Variants in CTC1 observed in about 807,000 individuals in gnomAD.
CTC1 encodes the protein CST telomere replication complex component 1.
Under a neutral mutation model 136.3 loss-of-function variants are expected in CTC1, and 91 were observed. The ratio of observed to expected loss-of-function variants is 0.67; its 90% CI spans 0.56 to 0.79. The LOEUF (loss-of-function observed/expected upper bound fraction) is 0.79, where lower values mean the gene tolerates loss of function less well. Ranked by LOEUF, CTC1 falls within the 30% of genes least tolerant of loss-of-function variation. CTC1 has a pLI of 0.00. For synonymous variants in CTC1, 606 were observed against 613.8 expected (o/e 0.99, Z 0.19); for missense variants, 1,432 against 1,498.1 (o/e 0.96, Z 0.73).
intron 22 of CTC1, 43 bp from the exon 23 acceptor site, chr17:8,228,362 G>A: frequency 1.9e-6 from 3 of 1,609,384 alleles, no homozygotes; most frequent in Non-Finnish European, 2.6e-6. Context: ...CAGGCATGTG[G>A]CTTTTAGTTC....
At chr17:8,232,872 AC>A (rs1385713814) in intron 11 of CTC1, 33 bp downstream of exon 11, 2 of 1,610,290 alleles carry the variant, frequency 1.2e-6, no homozygotes, top group African/African-American at 2.7e-5. Context: ...CCACCATCCC[AC>A]TACCATCTTC....
At position 8,228,087 on chromosome 17, in the gene CTC1, G is replaced by T; in HGVS notation, c.*93C>A. ...AGCAGTTTGTGAATCTGGAGTCCTTGGTTCAATCACAGAACAAGTAGGGAG... is the reference window on the plus strand; with the variant it reads ...AGCAGTTTGTGAATCTGGAGTCCTTTGTTCAATCACAGAACAAGTAGGGAG... On this transcript the variant is annotated 3_prime_UTR_variant, in exon 23 of 23. Coordinates refer to ENST00000651323, the MANE Select transcript of CTC1 (RefSeq NM_025099.6). 1.6e-6 allele frequency: 2 copies of T among 1,250,800 alleles called. No individual in the cohort carries two copies. Among genetic ancestry groups the T allele is most frequent in the Non-Finnish European group, 2.3e-6 (2 of 874,006 alleles). The allele number at this position is 1,250,800 out of a possible 1,614,324, so 77.5% of individuals were successfully genotyped here. A position where few individuals can be genotyped will look rare whatever the true frequency, so the allele number is the denominator to read the frequency against.
chr17:8,241,852 A>AAG (rs1375868275), intron 2 of CTC1, among the ~76,000 whole-genome samples: 1 of 149,926 alleles, frequency 6.7e-6, no homozygotes, highest in Non-Finnish European at 1.5e-5. Context: ...CCTGTCTCAA[A>AAG]AAAAAAAAAA....
intron 12 of CTC1, 39 bp from the exon 13 acceptor site, chr17:8,232,266 A>G: frequency 6.5e-7 from 1 of 1,544,244 alleles, no homozygotes; most frequent in Non-Finnish European, 8.7e-7. Context: ...TTAGTGATGC[A>G]GGCATTGGGT....
Position 8,229,920 on chromosome 17 carries a change from G to C in CTC1, c.2982C>G (p.Val994=). 1 of 1,614,126 alleles carries C rather than the reference G, an allele frequency of 6.2e-7. No homozygotes were observed. The highest frequency in any genetic ancestry group is 1.1e-5 in the South Asian group (1 of 91,074). The change falls in exon 18 of 23, where the codon GTC becomes GTG. Residue 994 remains valine (V), a synonymous_variant. Coordinates refer to ENST00000651323, the MANE Select transcript of CTC1 (RefSeq NM_025099.6). ...CCFRSSTYVQ[V]LSFPPETTIS... ...TGGTGGTCTCAGGGGGAAAACTCAG[G>C]ACCTGCACATAAGTGGATGACCGGA...
chr17:8,231,238 G>T, intron 15 of CTC1, 38 bp downstream of exon 15: 3 of 1,469,372 alleles, frequency 2.0e-6, no homozygotes, highest in Non-Finnish European at 2.7e-6. Flanking sequence ...AGAAGAGAGA[G>T]TGGCCAAATT....
In CTC1 at chr17:8,226,661, T is replaced by TA. The variant is rs1339105759; in HGVS notation, c.*1518_*1519insT. 8 of 152,202 alleles carry TA rather than the reference T, an allele frequency of 5.3e-5. No homozygotes were observed. Among genetic ancestry groups the TA allele is most frequent in the African/African-American group, 1.9e-4 (8 of 41,444 alleles). 9.4% of individuals were successfully genotyped at this position (152,202 alleles called of 1,614,324 possible). On this transcript the variant is annotated 3_prime_UTR_variant, in exon 23 of 23. Transcript: ENST00000651323. ...CGGGGAGACCCCAATGGATTTCTAG[T>TA]CCATCGCCTTAACCACTCGGCCACG...
At chr17:8,243,998 G>A (rs1442355405) in intron 1 of CTC1, among the ~76,000 whole-genome samples, 1 of 152,128 alleles carries the variant, frequency 6.6e-6, no homozygotes, top group Non-Finnish European at 1.5e-5. Context: ...AGCCTGGGGC[G>A]GTTGAAACTT....
intron 2 of CTC1, among the ~76,000 whole-genome samples, chr17:8,242,217 G>C (rs923747990): frequency 1.3e-5 from 2 of 151,734 alleles, no homozygotes; most frequent in Non-Finnish European, 2.9e-5. Context: ...TTTTTTAGTA[G>C]AGATGGTGTT....
chr17:8,245,433 T>C (rs1169079782), intron 1 of CTC1, among the ~76,000 whole-genome samples: 1 of 152,040 alleles, frequency 6.6e-6, no homozygotes, highest in Non-Finnish European at 1.5e-5. Flanking sequence ...AAATCACCAT[T>C]CAGAGTTGCC....
intron 22 of CTC1, 22 bp from the exon 23 acceptor site, chr17:8,228,341 A>C: frequency 6.2e-7 from 1 of 1,612,330 alleles, no homozygotes; most frequent in South Asian, 1.1e-5. Flanking sequence ...AGAGAGGAAA[A>C]ACACACGTCT....
chr17:8,240,974 A>G (rs370578708), intron 2 of CTC1, among the ~76,000 whole-genome samples: 15 of 152,166 alleles, frequency 9.9e-5, no homozygotes, highest in African/African-American at 3.6e-4. Context: ...TAACCAAGGT[A>G]AACACAGGCT....
rs931194879 is a variant in CTC1, at chr17:8,228,148, G to A, written c.*32C>T. The A allele has an allele frequency of 1.2e-6, 2 of 1,604,504 alleles. No individual in the cohort carries two copies. The highest frequency in any genetic ancestry group is 1.3e-5 in the African/African-American group (1 of 74,848). Reference sequence around the variant, plus strand: ...ACCTAGGCCTTCAGGTTTTCAGCAAGGAAGGACTCTCAGGCCATCCTTGCA... The same window carrying A: ...ACCTAGGCCTTCAGGTTTTCAGCAAAGAAGGACTCTCAGGCCATCCTTGCA... On this transcript the variant is annotated 3_prime_UTR_variant, in exon 23 of 23. Transcript: ENST00000651323.
At position 8,226,318 on chromosome 17, in the gene CTC1, A is replaced by C. The variant is rs1029174066; in HGVS notation, c.*1862T>G. The C allele has an allele frequency of 6.6e-6, 1 of 152,374 alleles. No homozygotes were observed. The highest frequency in any genetic ancestry group is 1.9e-4 in the East Asian group (1 of 5,196). The allele number at this position is 152,374 out of a possible 1,614,324, so 9.4% of individuals were successfully genotyped here. ...ACTAAGCCACGGCGCCGAAGCTGCC[A>C]TAAAGGTTCCTGAAATTCATCTACA... On this transcript the variant is annotated 3_prime_UTR_variant, in exon 23 of 23. Transcript: ENST00000651323.
rs952866043 is a variant in CTC1 at position 8,240,678 on chromosome 17, G to A, written c.198-2049C>T. Among the ~76,000 whole-genome samples, 13 of 144,536 alleles carry A rather than the reference G, an allele frequency of 9.0e-5. No homozygotes were observed. The East Asian group carries it at 9.3e-4, about 10-fold the overall frequency. 94.8% of individuals were successfully genotyped at this position (144,536 alleles called of 152,430 possible). ...GAGGATCACCTGAGGTCAGGAGTTT[G>A]AGACCAGCCTGGCCAACATGGTGAA... On this transcript the variant is annotated intron_variant, in intron 2 of 22. Coordinates refer to ENST00000651323, the MANE Select transcript of CTC1 (RefSeq NM_025099.6).
At chr17:8,231,699 A>T in intron 14 of CTC1, 27 bp downstream of exon 14, 1 of 1,604,438 alleles carries the variant, frequency 6.2e-7, no homozygotes, top group Non-Finnish European at 8.5e-7. Flanking sequence ...CTTTCTGGGG[A>T]AAGGTATGAT....
In CTC1 at chr17:8,242,553, AATATAT is replaced by A. The variant is rs1242237744; in HGVS notation, c.197+426_197+431del. Among the ~76,000 whole-genome samples the A allele has an allele frequency of 6.4e-3, 383 of 59,996 alleles. 3 individuals are homozygous for A. Among genetic ancestry groups the A allele is most frequent in the South Asian group, 0.013 (22 of 1,646 alleles). 39.4% of individuals were successfully genotyped at this position (59,996 alleles called of 152,430 possible). On this transcript the variant is annotated intron_variant, in intron 2 of 22. Coordinates refer to ENST00000651323, the MANE Select transcript of CTC1 (RefSeq NM_025099.6). ...AGAGAGAAAAAAAAAAAAAAAAAAA[AATATAT>A]ATATATATATATATATATATACACA...
In CTC1 at chr17:8,232,996, CT is replaced by C; in HGVS notation, c.1854del (p.Gly619ValfsTer29). ...LLGVLVASSHKGCLQLRDQSG... is the reference protein window; with the variant it reads ...LLGVLVASSHXGCLQLRDQSG... The stretch of plus-strand genomic sequence containing the variant: ...CTTTGGTCCCGAAGTTGCAGACAAC[CT>C]TTATGAGATGAAGCCACCAGAACCC... On this transcript the variant is annotated frameshift_variant, in exon 11 of 23. Coordinates refer to ENST00000651323, the MANE Select transcript of CTC1 (RefSeq NM_025099.6). LOFTEE classifies it high-confidence loss of function. The C allele has an allele frequency of 6.2e-7, 1 of 1,614,106 alleles. No individual in the cohort carries two copies. The highest frequency in any genetic ancestry group is 8.5e-7 in the Non-Finnish European group (1 of 1,180,014).
chr17:8,229,479 C>A (rs1045809296), intron 18 of CTC1, 33 bp from the exon 19 acceptor site: 4 of 1,598,030 alleles, frequency 2.5e-6, no homozygotes, highest in South Asian at 1.1e-5. Context: ...AGACAGGGGT[C>A]AAGATAACAG....
Sources: allele counts gnomAD v4.1 joint callset (sites outside exome capture counted in the v4.1 genomes callset), GRCh38; gene constraint gnomAD v4.1.1; transcripts MANE v1.5; gene names NCBI Gene and HGNC (gene_info 2026-07-23, HGNC 2026-07-21).